Variants in HERC2 observed in about 807,000 individuals in gnomAD.
The protein encoded by HERC2 is HECT and RLD domain containing E3 ubiquitin protein ligase 2, also known as E3 ubiquitin-protein ligase HERC2.
In HERC2, 102 loss-of-function variants were observed where a neutral mutation model predicts 537.7. That is an observed-to-expected ratio of 0.19 (90% CI 0.16 to 0.22). The LOEUF (loss-of-function observed/expected upper bound fraction) is 0.22, where lower values mean the gene tolerates loss of function less well. Among genes scored for constraint, HERC2 ranks in the 10% least tolerant of loss-of-function variants. The probability of loss-of-function intolerance (pLI) is 1.00; values close to 1 mark genes in which losing one functional copy is unlikely to be tolerated. For missense variants in HERC2, 4,236 were observed against 6,198.2 expected (o/e 0.68, Z 10.63); for synonymous variants, 2,224 against 2,466.2 (o/e 0.90, Z 2.91).
intron 23 of HERC2, among the ~76,000 whole-genome samples, chr15:28,239,357 T>C (rs892398589): frequency 6.6e-6 from 1 of 152,028 alleles, no homozygotes; most frequent in African/African-American, 2.4e-5. Flanking sequence ...TTCATAAAAA[T>C]ACTCAAAAAA....
chr15:28,131,980 T>TA, intron 81 of HERC2, 120 bp downstream of exon 81: 1 of 819,346 alleles, frequency 1.2e-6, no homozygotes, highest in Non-Finnish European at 1.9e-6. Flanking sequence ...AAAGTGCTCC[T>TA]AAGGAGCACA....
chr15:28,316,449 G>A (rs186780640), intron 2 of HERC2, among the ~76,000 whole-genome samples: 157 of 151,970 alleles, frequency 1.0e-3, no homozygotes, highest in African/African-American at 3.3e-3. Context: ...AGACCAGCCC[G>A]GACAACAAAG....
rs1015328309 is a variant in HERC2 at position 28,143,741 on chromosome 15, C to T, written c.11418+132G>A. On this transcript the variant is annotated intron_variant, in intron 74 of 92. Coordinates refer to ENST00000261609, the MANE Select transcript of HERC2 (RefSeq NM_004667.6). Reference sequence around the variant, plus strand: ...CATTACACGCATGAGCCACCGCGCCCGGTCCAAGGCCTCCTTATTCTTATG... The same window carrying T: ...CATTACACGCATGAGCCACCGCGCCTGGTCCAAGGCCTCCTTATTCTTATG... 47 of 1,176,940 alleles carry T rather than the reference C, an allele frequency of 4.0e-5. No homozygotes were observed. In the South Asian group the frequency reaches 5.3e-4, roughly 13 times the overall value. The allele number at this position is 1,176,940 out of a possible 1,614,324, so 72.9% of individuals were successfully genotyped here.
At chr15:28,132,005 A>G in intron 81 of HERC2, 95 bp downstream of exon 81, 1 of 1,093,426 alleles carries the variant, frequency 9.1e-7, no homozygotes, top group Non-Finnish European at 1.3e-6. Flanking sequence ...GGGGACAGTA[A>G]TGGTGGCTCT....
rs36068402 is a variant in HERC2, at chr15:28,129,780, C to CTTTTTTTT, written c.12802+375_12802+382dup. 1.0e-4 allele frequency among the ~76,000 whole-genome samples: 15 copies of CTTTTTTTT among 143,550 alleles called. 7 individuals carry two copies. Among genetic ancestry groups the CTTTTTTTT allele is most frequent in the Non-Finnish European group, 6.1e-5 (4 of 65,892 alleles). 94.2% of individuals were successfully genotyped at this position (143,550 alleles called of 152,430 possible). Reference sequence around the variant, plus strand: ...AGGACACAGTATAAGCCTCTGCCTCCTTTTTTTTTTTTTTTTTGAGACAGT... The same window carrying CTTTTTTTT: ...AGGACACAGTATAAGCCTCTGCCTCCTTTTTTTTTTTTTTTTTTTTTTTTTGAGACAGT... On this transcript the variant is annotated intron_variant, in intron 83 of 92. Transcript: ENST00000261609.
chr15:28,167,308 T>C (rs1894243466), intron 68 of HERC2, among the ~76,000 whole-genome samples: 1 of 152,212 alleles, frequency 6.6e-6, no homozygotes, highest in South Asian at 2.1e-4. Context: ...ACCGTTCCTG[T>C]GGTGTCTGTC....
intron 38 of HERC2, among the ~76,000 whole-genome samples, chr15:28,217,443 G>A (rs1006958439): frequency 3.3e-4 from 50 of 152,052 alleles, no homozygotes; most frequent in Non-Finnish European, 6.0e-4. Flanking sequence ...AATATGTGCG[G>A]ACGCTCCAGC....
chr15:28,219,484 A>T (rs1171754799), intron 37 of HERC2, among the ~76,000 whole-genome samples: 1 of 152,214 alleles, frequency 6.6e-6, no homozygotes, highest in East Asian at 1.9e-4. Flanking sequence ...ATCCGCCCTC[A>T]GGGACAGGGT....
At chr15:28,121,496 CA>C in intron 85 of HERC2, 67 bp from the exon 86 acceptor site, 1 of 1,285,256 alleles carries the variant, frequency 7.8e-7, no homozygotes, top group South Asian at 1.2e-5. Context: ...AAGAAATCAT[CA>C]CATAGTTTTG....
In HERC2 at chr15:28,277,479, G is replaced by A. The variant is rs866512613; in HGVS notation, c.543-2474C>T. ...ACAATTATCTAAAAAAAAAAAAAAA[G>A]GGGCTTTTTTAAAATTTTAGGAATT... On this transcript the variant is annotated intron_variant, in intron 5 of 92. Coordinates refer to ENST00000261609, the MANE Select transcript of HERC2 (RefSeq NM_004667.6). Among the ~76,000 whole-genome samples, 684 of 107,694 alleles carry A rather than the reference G, an allele frequency of 6.4e-3. 9 individuals are homozygous for A. The highest frequency in any genetic ancestry group is 0.034 in the African/African-American group (637 of 18,680). The allele number at this position is 107,694 out of a possible 152,430, so 70.7% of individuals were successfully genotyped here.
At chr15:28,142,530 G>C in intron 75 of HERC2, 137 bp from the exon 76 acceptor site, 1 of 903,384 alleles carries the variant, frequency 1.1e-6, no homozygotes, top group Non-Finnish European at 1.7e-6. Context: ...GCCACCATCA[G>C]TGATGTGGCG....
intron 31 of HERC2, 49 bp downstream of exon 31, chr15:28,230,318 A>G (rs765054690): frequency 1.3e-6 from 2 of 1,575,652 alleles, no homozygotes; most frequent in Non-Finnish European, 1.7e-6. Flanking sequence ...CCTGTGCTAC[A>G]TGCTATGATT....
At chr15:28,312,629 A>T (rs2076978063) in intron 2 of HERC2, 1 of 165,892 alleles carries the variant, frequency 6.0e-6, no homozygotes, top group African/African-American at 2.4e-5. Context: ...CCTATTCATA[A>T]AAAAAATAAA....
At position 28,256,096 on chromosome 15, in the gene HERC2, G is replaced by A. The variant is rs1235198198; in HGVS notation, c.2739C>T (p.Pro913=). The change falls in exon 18 of 93, where the codon CCC becomes CCT. Residue 913 remains proline, a synonymous_variant. Coordinates refer to ENST00000261609, the MANE Select transcript of HERC2 (RefSeq NM_004667.6). ...ERARALSALL[P]CAVSGNEVNI... ...TTCCTTCCCCAGGCCCACCTGCGCA[G>A]GGCAGGAGAGCAGAGAGTGCCCGGG... is the stretch of plus-strand genomic sequence containing the variant. 1 of 1,603,628 alleles carries A rather than the reference G, an allele frequency of 6.2e-7. No individual in the cohort carries two copies. The highest frequency in any genetic ancestry group is 2.2e-5 in the East Asian group (1 of 44,836).
intron 12 of HERC2, 139 bp from the exon 13 acceptor site, chr15:28,266,113 G>A: frequency 1.1e-6 from 1 of 899,532 alleles, no homozygotes; most frequent in Non-Finnish European, 1.7e-6. Flanking sequence ...CCTTGTGAAA[G>A]AAGGAAGAGA....
chr15:28,307,633 C>T (rs1381150894), intron 2 of HERC2, among the ~76,000 whole-genome samples: 3 of 152,166 alleles, frequency 2.0e-5, no homozygotes, highest in African/African-American at 4.8e-5. Context: ...TTGTTTAATT[C>T]CCATGTGTTG....
chr15:28,159,378 C>G (rs1242473171), intron 69 of HERC2, among the ~76,000 whole-genome samples: 3 of 152,230 alleles, frequency 2.0e-5, no homozygotes, highest in African/African-American at 7.2e-5. Flanking sequence ...GTGCACCAAT[C>G]AGTCATAGAT....
Position 28,220,637 on chromosome 15 carries a change from G to A in HERC2, c.5660C>T (p.Pro1887Leu), listed in dbSNP as rs754243341. The change falls in exon 37 of 93, where the codon CCT becomes CTT. Residue 1887 changes from proline to leucine, a missense_variant. Pro to Leu is a moderately conservative substitution (Grantham distance 98, BLOSUM62 -3). Transcript: ENST00000261609. ...AATCACGCGGCCTAGGCCTGGAGGA[G>A]GCCCATCCTGAGAAAGCCAAAGTAG... ...VDWKWGDQDG[P>L]PPGLGRVIGE... 20 of 1,603,798 alleles carry A rather than the reference G, an allele frequency of 1.2e-5. No individual in the cohort carries two copies. In the Admixed American group the frequency reaches 3.0e-4, roughly 24 times the overall value.
intron 10 of HERC2, among the ~76,000 whole-genome samples, chr15:28,269,851 A>G (rs898718184): frequency 2.6e-5 from 4 of 152,274 alleles, no homozygotes; most frequent in African/African-American, 7.2e-5. Context: ...GGTGACAACC[A>G]GCCCACACTA....
Sources: gnomAD v4.1 joint callset for allele counts (sites outside exome capture counted in the v4.1 genomes callset) on GRCh38, gnomAD v4.1.1 for gene constraint, MANE v1.5 for transcripts, NCBI Gene and HGNC (gene_info 2026-07-23, HGNC 2026-07-21) for gene names.